Variants in ANTXR1 observed in about 807,000 individuals in gnomAD.
ANTXR1 encodes the protein anthrax toxin receptor 1.
Under a neutral mutation model 78.1 loss-of-function variants are expected in ANTXR1, and 19 were observed. The ratio of observed to expected loss-of-function variants is 0.24; its 90% CI spans 0.17 to 0.36. The LOEUF (loss-of-function observed/expected upper bound fraction) is 0.36. ANTXR1 is among the 10% of genes least tolerant of loss of function. The pLI is 1.00. For missense variants in ANTXR1, 518 were observed against 718.6 expected (o/e 0.72, Z 3.19); for synonymous variants, 273 against 260.5 (o/e 1.05, Z -0.46).
At chr2:69,078,678 A>G (rs1670811915) in intron 8 of ANTXR1, among the ~76,000 whole-genome samples, 1 of 152,238 alleles carries the variant, frequency 6.6e-6, no homozygotes, top group Non-Finnish European at 1.5e-5. Flanking sequence ...ATGATGACTT[A>G]CATCATAGGC....
chr2:69,044,423 C>T (rs904704998), intron 2 of ANTXR1, among the ~76,000 whole-genome samples: 1 of 152,120 alleles, frequency 6.6e-6, no homozygotes, highest in African/African-American at 2.4e-5. Flanking sequence ...AGATTGGTCC[C>T]CTTGTTGGGA....
At position 69,111,992 on chromosome 2, in the gene ANTXR1, T is replaced by G. The variant is rs181214578; in HGVS notation, c.802+9052T>G. On this transcript the variant is annotated intron_variant, in intron 10 of 17. Transcript: ENST00000303714. ...TATGGGTTAGAGTCTTGCCATATGTTGGTCAAAGGCACTTAACGCAATCTC... is the reference window on the plus strand; with the variant it reads ...TATGGGTTAGAGTCTTGCCATATGTGGGTCAAAGGCACTTAACGCAATCTC... Among the ~76,000 whole-genome samples, 5 of 152,292 alleles carry G rather than the reference T, an allele frequency of 3.3e-5. No homozygotes were observed. In the East Asian group the frequency reaches 9.7e-4, roughly 29 times the overall value.
intron 12 of ANTXR1, among the ~76,000 whole-genome samples, chr2:69,143,260 G>C (rs1673120475): frequency 6.6e-6 from 1 of 152,196 alleles, no homozygotes; most frequent in Non-Finnish European, 1.5e-5. Context: ...AGATGAAGTA[G>C]ACAGGGGCAG....
chr2:69,061,732 T>A (rs558918664), intron 3 of ANTXR1, among the ~76,000 whole-genome samples: 2 of 151,970 alleles, frequency 1.3e-5, no homozygotes, highest in African/African-American at 2.4e-5. Context: ...TAGAGGGAGA[T>A]GTGGGATCAA....
At chr2:69,047,645 G>C (rs1391367292) in intron 3 of ANTXR1, among the ~76,000 whole-genome samples, 2 of 151,974 alleles carry the variant, frequency 1.3e-5, no homozygotes, top group Non-Finnish European at 2.9e-5. Flanking sequence ...GAGTTGGGGG[G>C]GGAAATTCTG....
chr2:69,200,709 T>A (rs1009495429), intron 17 of ANTXR1, among the ~76,000 whole-genome samples: 2 of 152,200 alleles, frequency 1.3e-5, no homozygotes, highest in Non-Finnish European at 2.9e-5. Flanking sequence ...ACTAGGGATA[T>A]CCATTAGCAG....
chr2:69,213,229 A>G (rs2104500855), intron 17 of ANTXR1, among the ~76,000 whole-genome samples: 2 of 152,326 alleles, frequency 1.3e-5, no homozygotes, highest in Middle Eastern at 6.8e-3. Context: ...GGGGCCTAAA[A>G]GCCACAGAGC....
At chr2:69,240,441 C>CAG (rs1233847394) in intron 17 of ANTXR1, among the ~76,000 whole-genome samples, 2 of 152,212 alleles carry the variant, frequency 1.3e-5, no homozygotes, top group East Asian at 3.8e-4. Context: ...AAGAGTAAGA[C>CAG]ATCAATTGAA....
chr2:69,160,211 A>C lies in ANTXR1; in HGVS notation c.1047+7947A>C, dbSNP rs577872653. On this transcript the variant is annotated intron_variant, in intron 13 of 17. Coordinates refer to ENST00000303714, the MANE Select transcript of ANTXR1 (RefSeq NM_032208.3). ...TGACCTGCCCTCACCTCTGGAGGGCAGGTACACCACACACCTCACACACCC... is the reference window on the plus strand; with the variant it reads ...TGACCTGCCCTCACCTCTGGAGGGCCGGTACACCACACACCTCACACACCC... Among the ~76,000 whole-genome samples, 4 of 152,282 alleles carry C rather than the reference A, an allele frequency of 2.6e-5. No homozygotes were observed. In the East Asian group the frequency reaches 7.7e-4, roughly 29 times the overall value.
At chr2:69,170,162 C>A in intron 13 of ANTXR1, 86 bp from the exon 14 acceptor site, 1 of 1,476,482 alleles carries the variant, frequency 6.8e-7, no homozygotes, top group Admixed American at 1.7e-5. Flanking sequence ...TATGGCAGCA[C>A]CACCACGGTA....
At chr2:69,035,337 T>C (rs1421873178) in intron 1 of ANTXR1, among the ~76,000 whole-genome samples, 3 of 152,180 alleles carry the variant, frequency 2.0e-5, no homozygotes, top group African/African-American at 7.2e-5. Flanking sequence ...GCTGCCATGC[T>C]GAAACCATAA....
At chr2:69,220,517 G>A (rs898543306) in intron 17 of ANTXR1, among the ~76,000 whole-genome samples, 1 of 152,074 alleles carries the variant, frequency 6.6e-6, no homozygotes, top group Non-Finnish European at 1.5e-5. Context: ...GAAATCTCTG[G>A]GTGTGTGACA....
At chr2:69,219,740 T>C (rs1675272367) in intron 17 of ANTXR1, among the ~76,000 whole-genome samples, 1 of 152,196 alleles carries the variant, frequency 6.6e-6, no homozygotes, top group Admixed American at 6.6e-5. Context: ...TGGGGTTTTG[T>C]CCTCTGTTTT....
intron 10 of ANTXR1, among the ~76,000 whole-genome samples, chr2:69,120,398 G>A (rs1672306550): frequency 6.6e-6 from 1 of 152,196 alleles, no homozygotes; most frequent in South Asian, 2.1e-4. Context: ...GGGTGCGGTG[G>A]CTCACGCCTG....
At chr2:69,225,732 T>G (rs1212901405) in intron 17 of ANTXR1, among the ~76,000 whole-genome samples, 2 of 152,044 alleles carry the variant, frequency 1.3e-5, no homozygotes, top group African/African-American at 4.8e-5. Flanking sequence ...ACCCCCAAAC[T>G]CCCTCTCCAG....
At position 69,247,572 on chromosome 2, in the gene ANTXR1, T is replaced by G. The variant is rs1325106147; in HGVS notation, c.*2087T>G. On this transcript the variant is annotated 3_prime_UTR_variant, in exon 18 of 18. Coordinates refer to ENST00000303714, the MANE Select transcript of ANTXR1 (RefSeq NM_032208.3). ...TTAGAACACTAGGCTTCTTCTTTCA[T>G]GTAGTTCCTCATAAGCAGGGGCCAG... 1.3e-5 allele frequency: 2 copies of G among 152,662 alleles called. No individual in the cohort carries two copies. The highest frequency in any genetic ancestry group is 2.9e-5 in the Non-Finnish European group (2 of 68,072). 9.5% of individuals were successfully genotyped at this position (152,662 alleles called of 1,614,324 possible). A position where few individuals can be genotyped will look rare whatever the true frequency, so the allele number is the denominator to read the frequency against.
chr2:69,121,056 T>G, intron 10 of ANTXR1, among the ~76,000 whole-genome samples: 1 of 152,156 alleles, frequency 6.6e-6, no homozygotes, highest in Non-Finnish European at 1.5e-5. Flanking sequence ...TCACCCAACC[T>G]CAGGTTTCAG....
At position 69,100,158 on chromosome 2, in the gene ANTXR1, G is replaced by A. The variant is rs547120514; in HGVS notation, c.704-2684G>A. 1.1e-4 allele frequency among the ~76,000 whole-genome samples: 17 copies of A among 152,302 alleles called. No homozygotes were observed. The South Asian group carries it at 3.3e-3, about 30-fold the overall frequency. ...GGTGGGTTCAGGGCTTTGTAGATTA[G>A]TGGAGTTAAATCACTATGTCCTGGT... On this transcript the variant is annotated intron_variant, in intron 9 of 17. Transcript: ENST00000303714.
At chr2:69,033,069 A>G (rs553629361) in intron 1 of ANTXR1, among the ~76,000 whole-genome samples, 21 of 152,292 alleles carry the variant, frequency 1.4e-4, no homozygotes, top group African/African-American at 4.8e-4. Flanking sequence ...TTGTTTCCAT[A>G]GGCATCAGTT....
Sources: allele counts gnomAD v4.1 joint callset (sites outside exome capture counted in the v4.1 genomes callset), GRCh38; gene constraint gnomAD v4.1.1; transcripts MANE v1.5; gene names NCBI Gene and HGNC (gene_info 2026-07-23, HGNC 2026-07-21).